OPA1: variants seen among roughly 807,000 people sequenced by gnomAD.
OPA1 encodes dynamin-like GTPase OPA1, mitochondrial.
A neutral mutation model predicts 152.9 loss-of-function variants in OPA1; 59 were observed. That is an observed-to-expected ratio of 0.39 (90% CI 0.31 to 0.48). OPA1 has a LOEUF of 0.48. Ranked by LOEUF, OPA1 falls within the 20% of genes least tolerant of loss-of-function variation. The pLI is 0.96. For missense variants in OPA1, 1,008 were observed against 1,216.8 expected (o/e 0.83, Z 2.55); for synonymous variants, 400 against 389.9 (o/e 1.03, Z -0.31).
At position 193,635,476 on chromosome 3, in the gene OPA1, T is replaced by C. The variant is rs1488795500; in HGVS notation, c.902T>C (p.Leu301Ser). The change falls in exon 9 of 31, where the codon TTA becomes TCA. Residue 301 changes from leucine (L) to serine (S), a missense_variant. Physicochemically the swap from Leu to Ser is moderately radical, Grantham distance 145. Coordinates refer to ENST00000361510, the MANE Select transcript of OPA1 (RefSeq NM_130837.3). The part of the protein sequence containing the change: ...LEKENKELRK[L>S]VLQKDDKGIH... ...AAGGAGAACAAAGAATTGAGAAAAT[T>C]AGTATTGCAGAAAGATGACAAAGGC... 4 of 1,609,368 alleles carry C rather than the reference T, an allele frequency of 2.5e-6. No homozygotes were observed. The highest frequency in any genetic ancestry group is 1.7e-5 in the Admixed American group (1 of 59,974).
intron 29 of OPA1, among the ~76,000 whole-genome samples, chr3:193,672,640 G>A (rs892794988): frequency 2.6e-5 from 4 of 152,202 alleles, no homozygotes; most frequent in East Asian, 1.9e-4. Flanking sequence ...AGGCCGAGGC[G>A]GGTGGATCAC....
Position 193,667,213 on chromosome 3 carries a change from T to G in OPA1, c.2916T>G (p.Phe972Leu), listed in dbSNP as rs1326349949. The G allele has an allele frequency of 2.5e-6, 4 of 1,608,640 alleles. No individual in the cohort carries two copies. Among genetic ancestry groups the G allele is most frequent in the Non-Finnish European group, 3.4e-6 (4 of 1,175,016 alleles). ...EKNVKEVLED[F>L]AEDGEKKIKL... ...ATGTTAAAGAGGTATTGGAAGATTTTGCTGAAGATGGTGAGAAGAAGATTA... is the reference window on the plus strand; with the variant it reads ...ATGTTAAAGAGGTATTGGAAGATTTGGCTGAAGATGGTGAGAAGAAGATTA... The change falls in exon 29 of 31, where the codon TTT (phenylalanine) becomes TTG (leucine). Residue 972 changes from phenylalanine (F) to leucine (L), a missense_variant. By Grantham distance (22) the Phe-to-Leu change is conservative. Coordinates refer to ENST00000361510, the MANE Select transcript of OPA1 (RefSeq NM_130837.3).
chr3:193,615,643 C>A, intron 2 of OPA1, 31 bp from the exon 3 acceptor site: 1 of 1,156,630 alleles, frequency 8.6e-7, no homozygotes, highest in Non-Finnish European at 1.3e-6. Flanking sequence ...GCATGCAGAG[C>A]ATCTGATTGA....
rs1734146320 is a variant in OPA1, at chr3:193,643,884, A to G, written c.1478-91A>G. 3 of 1,330,742 alleles carry G rather than the reference A, an allele frequency of 2.3e-6. 1 individual carries two copies. The South Asian group carries it at 3.7e-5, about 16-fold the overall frequency. 82.4% of individuals were successfully genotyped at this position (1,330,742 alleles called of 1,614,324 possible). A position where few individuals can be genotyped will look rare whatever the true frequency, so the allele number is the denominator to read the frequency against. The stretch of plus-strand genomic sequence containing the variant: ...AATGTATTAAAATCTTTCTTGCTAT[A>G]ATGTAGACACAGGGGTATAATTTGT... On this transcript the variant is annotated intron_variant, in intron 15 of 30. Transcript: ENST00000361510.
At chr3:193,648,578 A>G (rs998749010) in intron 20 of OPA1, 1 of 492,346 alleles carries the variant, frequency 2.0e-6, no homozygotes, top group African/African-American at 1.9e-5. Context: ...ACTGCATTCA[A>G]ACTTGAGAAG....
At chr3:193,625,127 C>T (rs776583924) in intron 6 of OPA1, among the ~76,000 whole-genome samples, 4 of 151,064 alleles carry the variant, frequency 2.6e-5, no homozygotes, top group South Asian at 4.2e-4. Flanking sequence ...TTTTTGAGGT[C>T]GATTATCTAA....
Position 193,626,127 on chromosome 3 carries a change from A to G in OPA1, c.714A>G (p.Gln238=). 1 of 1,614,070 alleles carries G rather than the reference A, an allele frequency of 6.2e-7. No individual in the cohort carries two copies. The highest frequency in any genetic ancestry group is 2.2e-5 in the East Asian group (1 of 44,868). ...LLGELILLQQ[Q]IQEHEEEARR... is the part of the protein sequence containing the mutation. ...GTGAGCTCATTCTCTTACAACAACA[A>G]ATTCAAGAGCATGAAGAGGAAGCGC... is the stretch of plus-strand genomic sequence containing the variant. The change falls in exon 7 of 31, where the codon CAA becomes CAG. Residue 238 remains glutamine (Q), a synonymous_variant. Coordinates refer to ENST00000361510, the MANE Select transcript of OPA1 (RefSeq NM_130837.3).
intron 30 of OPA1, among the ~76,000 whole-genome samples, chr3:193,694,061 G>C (rs1233768238): frequency 6.6e-6 from 1 of 152,170 alleles, no homozygotes; most frequent in Non-Finnish European, 1.5e-5. Context: ...CCCCTCAGCT[G>C]ATCAGTGTGA....
chr3:193,601,330 G>T (rs1205106644), intron 1 of OPA1, among the ~76,000 whole-genome samples: 1 of 152,056 alleles, frequency 6.6e-6, no homozygotes, highest in Non-Finnish European at 1.5e-5. Flanking sequence ...CAAGTATAAG[G>T]GCTATCATGA....
intron 29 of OPA1, among the ~76,000 whole-genome samples, chr3:193,670,040 C>G (rs1328566966): frequency 1.3e-5 from 2 of 152,158 alleles, no homozygotes; most frequent in Non-Finnish European, 2.9e-5. Context: ...TGAGCCATGA[C>G]TTTGTTCATT....
chr3:193,643,514 C>G lies in OPA1; in HGVS notation c.1378-14C>G. The G allele has an allele frequency of 6.2e-7, 1 of 1,612,080 alleles. No individual in the cohort carries two copies. Among genetic ancestry groups the G allele is most frequent in the Non-Finnish European group, 8.5e-7 (1 of 1,178,354 alleles). On this transcript the variant is annotated splice_polypyrimidine_tract_variant and intron_variant, in intron 14 of 30. Coordinates refer to ENST00000361510, the MANE Select transcript of OPA1 (RefSeq NM_130837.3). ...GAAGCATTTATAATGACATTTAAAA[C>G]CTTTTTCTTTAAGACTGTGACATCA...
chr3:193,618,752 G>T, intron 5 of OPA1, 117 bp from the exon 6 acceptor site: 1 of 809,568 alleles, frequency 1.2e-6, no homozygotes, highest in Non-Finnish European at 2.2e-6. Flanking sequence ...TTGATTCTTT[G>T]AATCTGAGTT....
At chr3:193,670,531 T>G (rs1717690125) in intron 29 of OPA1, among the ~76,000 whole-genome samples, 1 of 151,912 alleles carries the variant, frequency 6.6e-6, no homozygotes, top group East Asian at 1.9e-4. Flanking sequence ...CATGCCTGGC[T>G]TATTTTTTGT....
intron 21 of OPA1, 99 bp downstream of exon 21, chr3:193,648,970 C>G: frequency 1.1e-6 from 1 of 905,494 alleles, no homozygotes; most frequent in East Asian, 2.5e-5. Flanking sequence ...TTTATTGTTG[C>G]CTTGGCTCAT....
intron 22 of OPA1, among the ~76,000 whole-genome samples, chr3:193,655,895 A>T (rs1424668821): frequency 1.3e-5 from 2 of 152,154 alleles, no homozygotes; most frequent in South Asian, 2.1e-4. Flanking sequence ...TTTCATACCT[A>T]TCTTAAAGGC....
In OPA1 at chr3:193,629,918, C is replaced by T. The variant is rs975395822; in HGVS notation, c.790-1694C>T. On this transcript the variant is annotated intron_variant, in intron 7 of 30. Transcript: ENST00000361510. ...TTAGTATTTACATTTAAAACTAAAA[C>T]AATTTATACTAATACAGTTTATACA... 3.9e-5 allele frequency among the ~76,000 whole-genome samples: 6 copies of T among 152,122 alleles called. 1 individual carries two copies. The highest frequency in any genetic ancestry group is 8.8e-5 in the Non-Finnish European group (6 of 67,996).
intron 30 of OPA1, among the ~76,000 whole-genome samples, chr3:193,692,739 G>A (rs1339650392): frequency 6.6e-6 from 1 of 152,166 alleles, no homozygotes; most frequent in Non-Finnish European, 1.5e-5. Context: ...TCAATTAATT[G>A]TTGCTGAAGA....
intron 29 of OPA1, among the ~76,000 whole-genome samples, chr3:193,690,202 A>C (rs1056336959): frequency 5.6e-5 from 8 of 142,190 alleles, no homozygotes; most frequent in African/African-American, 2.1e-4. Flanking sequence ...TTTTTTTTTT[A>C]AGTTTCTCTA....
rs1240235254 is a variant in OPA1 at position 193,643,354 on chromosome 3, T to G, written c.1306-19T>G. The G allele has an allele frequency of 6.3e-7, 1 of 1,588,882 alleles. No individual in the cohort carries two copies. The highest frequency in any genetic ancestry group is 8.6e-7 in the Non-Finnish European group (1 of 1,157,490). On this transcript the variant is annotated intron_variant, in intron 13 of 30. Transcript: ENST00000361510. ...CCCCCAAACTTTAGCATTGTTTTAT[T>G]TTTATTTTTCCTGAGTAGACCATAT...
Sources: gnomAD v4.1 joint callset for allele counts (sites outside exome capture counted in the v4.1 genomes callset) on GRCh38, gnomAD v4.1.1 for gene constraint, MANE v1.5 for transcripts, NCBI Gene and HGNC (gene_info 2026-07-23, HGNC 2026-07-21) for gene names.